Variants in UBASH3B observed in about 807,000 individuals in gnomAD.
UBASH3B encodes the protein ubiquitin associated and SH3 domain containing B, also known as ubiquitin-associated and SH3 domain-containing protein B.
Under a neutral mutation model 83.4 loss-of-function variants are expected in UBASH3B, and 37 were observed. The observed-to-expected ratio is 0.44, with a 90% CI of 0.34 to 0.58. The LOEUF (loss-of-function observed/expected upper bound fraction) is 0.58, where lower values mean the gene tolerates loss of function less well. Among genes scored for constraint, UBASH3B ranks in the 20% least tolerant of loss-of-function variants. The pLI is 0.01. For synonymous variants in UBASH3B, 304 were observed against 318.3 expected (o/e 0.96, Z 0.48); for missense variants, 657 against 827.2 (o/e 0.79, Z 2.52).
intron 1 of UBASH3B, among the ~76,000 whole-genome samples, chr11:122,749,352 T>C (rs1861167106): frequency 6.6e-6 from 1 of 152,282 alleles, no homozygotes; most frequent in South Asian, 2.1e-4. Flanking sequence ...GCATTTACTA[T>C]ATGCAAAGCA....
chr11:122,721,798 G>T (rs181480960), intron 1 of UBASH3B, among the ~76,000 whole-genome samples: 13 of 152,294 alleles, frequency 8.5e-5, no homozygotes, highest in Non-Finnish European at 1.8e-4. Flanking sequence ...CTTAGGCTTA[G>T]TAGCTCATTG....
chr11:122,780,750 A>G (rs1159067619), intron 4 of UBASH3B, among the ~76,000 whole-genome samples: 1 of 152,176 alleles, frequency 6.6e-6, no homozygotes, highest in Non-Finnish European at 1.5e-5. Flanking sequence ...GCAGGCAGGC[A>G]TGAGATGGTG....
chr11:122,689,011 G>C (rs1407591175), intron 1 of UBASH3B, among the ~76,000 whole-genome samples: 1 of 150,060 alleles, frequency 6.7e-6, no homozygotes, highest in East Asian at 2.0e-4. Flanking sequence ...TATTGGCCAG[G>C]CTGGTCTCGA....
At chr11:122,656,944 G>T (rs1863372549) in intron 1 of UBASH3B, among the ~76,000 whole-genome samples, 1 of 152,218 alleles carries the variant, frequency 6.6e-6, no homozygotes, top group Admixed American at 6.5e-5. Flanking sequence ...CAGGGAGAGC[G>T]CAGGTGGCTG....
rs872414 is a variant in UBASH3B at position 122,794,729 on chromosome 11, A to G, written c.1008A>G (p.Ser336=). Residue 336 remains serine (S), a synonymous_variant, in exon 7 of 14, where the codon TCA becomes TCG. Transcript: ENST00000284273. ...HGSYSILNTS[S]SNSLTFGDGV... is the part of the protein sequence containing the mutation. Reference sequence around the variant, plus strand: ...CTTATTCAATCTTAAATACATCGTCATCCAACTCTCTCACGTTTGGGGATG... The same window carrying G: ...CTTATTCAATCTTAAATACATCGTCGTCCAACTCTCTCACGTTTGGGGATG... The G allele has an allele frequency of 0.43, 687,015 of 1,613,420 alleles. 152,360 individuals are homozygous for G. The highest frequency in any genetic ancestry group is 0.72 in the African/African-American group (53,822 of 74,854).
intron 1 of UBASH3B, among the ~76,000 whole-genome samples, chr11:122,756,353 C>A (rs192881120): frequency 1.6e-4 from 25 of 152,298 alleles, no homozygotes; most frequent in African/African-American, 6.0e-4. Context: ...GCTTCCTGGT[C>A]TTTAAAATTT....
chr11:122,784,817 G>T (rs1408008487), intron 5 of UBASH3B, among the ~76,000 whole-genome samples: 1 of 152,102 alleles, frequency 6.6e-6, no homozygotes. Context: ...TCTGCTGATG[G>T]GAACGTGATG....
Position 122,789,235 on chromosome 11 carries a change from A to G in UBASH3B, c.907A>G (p.Thr303Ala). 2 of 1,614,174 alleles carry G rather than the reference A, an allele frequency of 1.2e-6. No homozygotes were observed. The highest frequency in any genetic ancestry group is 1.7e-6 in the Non-Finnish European group (2 of 1,180,038). Residue 303 changes from threonine (T) to alanine (A), a missense_variant, in exon 6 of 14, where the codon ACC (threonine) becomes GCC (alanine). Thr to Ala is a moderately conservative substitution (Grantham distance 58). Transcript: ENST00000284273. ...TTGGATCTATGGCACGTCCTTAACC[A>G]CCGGCTGCTCTGGACTCCTGCCTGA... ...EGWIYGTSLT[T>A]GCSGLLPENY... is the part of the protein sequence containing the mutation.
chr11:122,673,157 G>T (rs942998763), intron 1 of UBASH3B, among the ~76,000 whole-genome samples: 1 of 152,174 alleles, frequency 6.6e-6, no homozygotes, highest in Non-Finnish European at 1.5e-5. Context: ...GCTGAGAGAG[G>T]CCTCAGCAAA....
At chr11:122,721,927 C>T (rs986339927) in intron 1 of UBASH3B, among the ~76,000 whole-genome samples, 17 of 152,214 alleles carry the variant, frequency 1.1e-4, no homozygotes, top group Admixed American at 1.1e-3. Context: ...CAAAGAATGA[C>T]ATTCATAGAA....
rs1012611224 is a variant in UBASH3B, at chr11:122,811,156, A to G, written c.*1270A>G. ...GTTTATTTAAAAGAAATAAATGACAATCAAACCAAATCATCAGTTATCAAT... is the reference window on the plus strand; with the variant it reads ...GTTTATTTAAAAGAAATAAATGACAGTCAAACCAAATCATCAGTTATCAAT... On this transcript the variant is annotated 3_prime_UTR_variant, in exon 14 of 14. Coordinates refer to ENST00000284273, the MANE Select transcript of UBASH3B (RefSeq NM_032873.5). 1 of 152,686 alleles carries G rather than the reference A, an allele frequency of 6.5e-6. No homozygotes were observed. Among genetic ancestry groups the G allele is most frequent in the Non-Finnish European group, 1.5e-5 (1 of 68,052 alleles). The allele number at this position is 152,686 out of a possible 1,614,324, so 9.5% of individuals were successfully genotyped here.
chr11:122,699,553 CTT>C (rs746315373), intron 1 of UBASH3B, among the ~76,000 whole-genome samples: 2 of 144,882 alleles, frequency 1.4e-5, no homozygotes, highest in Non-Finnish European at 3.0e-5. Flanking sequence ...TTCTTTCTTT[CTT>C]TCTTTCTTTC....
At chr11:122,751,074 C>T (rs552103041) in intron 1 of UBASH3B, among the ~76,000 whole-genome samples, 5 of 151,656 alleles carry the variant, frequency 3.3e-5, no homozygotes, top group Non-Finnish European at 2.9e-5. Flanking sequence ...CCGTACCACG[C>T]GCCTGGGTTT....
At chr11:122,776,423 G>C in intron 2 of UBASH3B, 151 bp downstream of exon 2, 1 of 664,964 alleles carries the variant, frequency 1.5e-6, no homozygotes, top group Non-Finnish European at 2.4e-6. Flanking sequence ...CAAGTCAATT[G>C]CCTCCTCTGC....
At chr11:122,714,719 C>T (rs371923583) in intron 1 of UBASH3B, among the ~76,000 whole-genome samples, 22 of 152,150 alleles carry the variant, frequency 1.4e-4, no homozygotes, top group African/African-American at 3.9e-4. Flanking sequence ...TTTCCATCTT[C>T]GCACAGAGTG....
At chr11:122,663,368 G>A (rs1257750934) in intron 1 of UBASH3B, among the ~76,000 whole-genome samples, 1 of 152,232 alleles carries the variant, frequency 6.6e-6, no homozygotes, top group Non-Finnish European at 1.5e-5. Flanking sequence ...TTAAGTCTCA[G>A]ACATTGATAA....
At chr11:122,746,924 T>G (rs550134334) in intron 1 of UBASH3B, among the ~76,000 whole-genome samples, 1 of 152,340 alleles carries the variant, frequency 6.6e-6, no homozygotes, top group South Asian at 2.1e-4. Context: ...AATCTTGACC[T>G]AAAGTCATCC....
chr11:122,720,128 C>A (rs543751775), intron 1 of UBASH3B, among the ~76,000 whole-genome samples: 21 of 152,268 alleles, frequency 1.4e-4, no homozygotes, highest in South Asian at 4.1e-4. Flanking sequence ...GCACTTACAT[C>A]CCCCACCCAG....
chr11:122,683,614 A>AT lies in UBASH3B; in HGVS notation c.161+27404_161+27405insT, dbSNP rs59877386. Among the ~76,000 whole-genome samples the AT allele has an allele frequency of 9.9e-3, 1,472 of 148,674 alleles. 20 individuals are homozygous for AT. The highest frequency in any genetic ancestry group is 0.032 in the African/African-American group (1,308 of 40,744). Reference sequence around the variant, plus strand: ...AGCGAGACTCCTTCTCAAAAAAAAAAAAAAATAATAATAATAAAATAAAAT... The same window carrying AT: ...AGCGAGACTCCTTCTCAAAAAAAAAATAAAAATAATAATAATAAAATAAAAT... On this transcript the variant is annotated intron_variant, in intron 1 of 13. Transcript: ENST00000284273.
Sources: gnomAD v4.1 joint callset for allele counts (sites outside exome capture counted in the v4.1 genomes callset) on GRCh38, gnomAD v4.1.1 for gene constraint, MANE v1.5 for transcripts, NCBI Gene and HGNC (gene_info 2026-07-23, HGNC 2026-07-21) for gene names.